Variants in BAIAP2L1 observed in about 807,000 individuals in gnomAD.
The protein encoded by BAIAP2L1 is BAR/IMD domain containing adaptor protein 2 like 1, also known as BAR/IMD domain-containing adapter protein 2-like 1.
BAIAP2L1 carries 35 observed loss-of-function variants against 66.3 expected under a neutral mutation model. The ratio of observed to expected loss-of-function variants is 0.53; its 90% confidence interval spans 0.40 to 0.70. The LOEUF (loss-of-function observed/expected upper bound fraction) is 0.70, where lower values mean the gene tolerates loss of function less well. Among genes scored for constraint, BAIAP2L1 ranks in the 30% least tolerant of loss-of-function variants. The probability of loss-of-function intolerance (pLI) is 0.00; values close to 1 mark genes in which losing one functional copy is unlikely to be tolerated. For synonymous variants in BAIAP2L1, 269 were observed against 248.7 expected (o/e 1.08, Z -0.77); for missense variants, 622 against 656.9 (o/e 0.95, Z 0.58).
At chr7:98,354,933 A>G in intron 3 of BAIAP2L1, 109 bp downstream of exon 3, 1 of 802,488 alleles carries the variant, frequency 1.2e-6, no homozygotes, top group South Asian at 1.5e-5. Context: ...GAACCACAGC[A>G]TGCTGGCCCA....
intron 1 of BAIAP2L1, among the ~76,000 whole-genome samples, chr7:98,392,013 G>C (rs569525947): frequency 6.6e-6 from 1 of 151,876 alleles, no homozygotes; most frequent in South Asian, 2.1e-4. Flanking sequence ...CCTTCTATGT[G>C]TTATTAAAAA....
intron 3 of BAIAP2L1, among the ~76,000 whole-genome samples, chr7:98,342,352 G>GCCAC (rs1801762424): frequency 6.6e-6 from 1 of 152,054 alleles, no homozygotes; most frequent in Admixed American, 6.6e-5. Flanking sequence ...CCCAGGCTGA[G>GCCAC]CCACCGTTCC....
chr7:98,385,295 C>T lies in BAIAP2L1; in HGVS notation c.51+15507G>A, dbSNP rs140391645. 4.5e-4 allele frequency among the ~76,000 whole-genome samples: 69 copies of T among 152,024 alleles called. 1 individual carries two copies. Among genetic ancestry groups the T allele is most frequent in the East Asian group, 2.2e-3 (11 of 5,080 alleles). On this transcript the variant is annotated intron_variant, in intron 1 of 13. Transcript: ENST00000005260. ...CTGCACTCCAGCCTGGGTGACAGAGCGAGATTCTGTCTCAAATAAAATAAA... is the reference window on the plus strand; with the variant it reads ...CTGCACTCCAGCCTGGGTGACAGAGTGAGATTCTGTCTCAAATAAAATAAA...
chr7:98,317,083 C>A, intron 6 of BAIAP2L1, 136 bp downstream of exon 6: 1 of 1,098,288 alleles, frequency 9.1e-7, no homozygotes, highest in Non-Finnish European at 1.3e-6. Flanking sequence ...GAACTCCTGA[C>A]CTCATATGAT....
chr7:98,391,446 C>T (rs922529757), intron 1 of BAIAP2L1, among the ~76,000 whole-genome samples: 7 of 152,018 alleles, frequency 4.6e-5, no homozygotes, highest in African/African-American at 1.2e-4. Flanking sequence ...CAGTGGCTCA[C>T]GCCTGTAATC....
chr7:98,359,891 T>A (rs1339782960), intron 2 of BAIAP2L1, among the ~76,000 whole-genome samples: 1 of 151,422 alleles, frequency 6.6e-6, no homozygotes, highest in Non-Finnish European at 1.5e-5. Context: ...TCCTGATAGG[T>A]AGGACCACAG....
Position 98,386,443 on chromosome 7 carries a change from G to C in BAIAP2L1, c.51+14359C>G, listed in dbSNP as rs1158791647. 6 of 1,596,438 alleles carry C rather than the reference G, an allele frequency of 3.8e-6. No individual in the cohort carries two copies. The Admixed American group carries it at 8.3e-5, about 22-fold the overall frequency. ...TTGGTTCCTTGGGTCCTGGTGACGA[G>C]CGTCTTTCCAATATTTCTTATACTG... On this transcript the variant is annotated intron_variant, in intron 1 of 13. Coordinates refer to ENST00000005260, the MANE Select transcript of BAIAP2L1 (RefSeq NM_018842.5).
At chr7:98,331,219 A>T (rs900564060) in intron 3 of BAIAP2L1, among the ~76,000 whole-genome samples, 8 of 152,222 alleles carry the variant, frequency 5.3e-5, no homozygotes, top group African/African-American at 1.9e-4. Flanking sequence ...AAAATGAAAC[A>T]GAATATCCAA....
chr7:98,369,549 A>C (rs1289859669), intron 1 of BAIAP2L1, among the ~76,000 whole-genome samples: 1 of 152,076 alleles, frequency 6.6e-6, no homozygotes, highest in Non-Finnish European at 1.5e-5. Context: ...ACTGACAGAG[A>C]GCCGACCCTG....
At chr7:98,370,041 T>C (rs1249049953) in intron 1 of BAIAP2L1, among the ~76,000 whole-genome samples, 1 of 151,726 alleles carries the variant, frequency 6.6e-6, no homozygotes, top group African/African-American at 2.4e-5. Flanking sequence ...GAACAACAAA[T>C]GAATGAGAAC....
At chr7:98,337,161 G>A (rs1801634120) in intron 3 of BAIAP2L1, among the ~76,000 whole-genome samples, 1 of 152,164 alleles carries the variant, frequency 6.6e-6, no homozygotes, top group Non-Finnish European at 1.5e-5. Flanking sequence ...CACGTGGGAA[G>A]TGCTGGAAAG....
chr7:98,367,112 G>A (rs1035825709), intron 1 of BAIAP2L1, among the ~76,000 whole-genome samples: 1 of 149,964 alleles, frequency 6.7e-6, no homozygotes, highest in African/African-American at 2.5e-5. Context: ...AGGCTGGTCT[G>A]TCCACAGCTG....
chr7:98,368,437 A>G (rs1802437599), intron 1 of BAIAP2L1, among the ~76,000 whole-genome samples: 2 of 151,988 alleles, frequency 1.3e-5, no homozygotes, highest in Non-Finnish European at 1.5e-5. Context: ...AACAAAACAA[A>G]ACAAAAGAAT....
At chr7:98,351,943 G>A (rs577500210) in intron 3 of BAIAP2L1, among the ~76,000 whole-genome samples, 6 of 152,284 alleles carry the variant, frequency 3.9e-5, no homozygotes, top group African/African-American at 1.4e-4. Flanking sequence ...TTTCATGTAT[G>A]TGATAACACC....
intron 2 of BAIAP2L1, among the ~76,000 whole-genome samples, chr7:98,359,273 CTTTTTTTTTT>C (rs998408583): frequency 4.3e-5 from 6 of 139,294 alleles, no homozygotes; most frequent in Non-Finnish European, 6.3e-5. Context: ...TACTTGCTGT[CTTTTTTTTTT>C]TTTTTTTTGA....
chr7:98,359,203 T>C (rs1377498942), intron 2 of BAIAP2L1, among the ~76,000 whole-genome samples: 2 of 151,890 alleles, frequency 1.3e-5, no homozygotes, highest in South Asian at 2.1e-4. Flanking sequence ...GATCTGACCC[T>C]ATCCCGCCCA....
intron 12 of BAIAP2L1, among the ~76,000 whole-genome samples, chr7:98,294,571 A>C (rs1186507984): frequency 6.6e-6 from 1 of 152,226 alleles, no homozygotes; most frequent in Non-Finnish European, 1.5e-5. Context: ...AAGCTTGAGC[A>C]ACAGAGCGAC....
chr7:98,364,076 C>A (rs184387758), intron 1 of BAIAP2L1, among the ~76,000 whole-genome samples: 1 of 151,790 alleles, frequency 6.6e-6, no homozygotes, highest in Non-Finnish European at 1.5e-5. Flanking sequence ...CAGCTTCCTA[C>A]GACAGCAGAT....
chr7:98,293,693 G>C, intron 13 of BAIAP2L1, 97 bp from the exon 14 acceptor site: 1 of 1,226,050 alleles, frequency 8.2e-7, no homozygotes. Context: ...GTGAGACTGG[G>C]CGGCTGACCA....
Sources: gnomAD v4.1 joint callset for allele counts (sites outside exome capture counted in the v4.1 genomes callset) on GRCh38, gnomAD v4.1.1 for gene constraint, MANE v1.5 for transcripts, NCBI Gene and HGNC (gene_info 2026-07-23, HGNC 2026-07-21) for gene names.